Variants in RGS6 observed in about 807,000 individuals in gnomAD.
The protein encoded by RGS6 is regulator of G protein signaling 6.
Under a neutral mutation model 78.5 loss-of-function variants are expected in RGS6, and 30 were observed. The ratio of observed to expected loss-of-function variants is 0.38; its 90% CI spans 0.29 to 0.52. The LOEUF (loss-of-function observed/expected upper bound fraction) is 0.52. Ranked by LOEUF, RGS6 falls within the 20% of genes least tolerant of loss-of-function variation. The pLI, the probability that RGS6 is intolerant of heterozygous loss-of-function variation, is 0.85. For missense variants in RGS6, 495 were observed against 609.7 expected (o/e 0.81, Z 1.98); for synonymous variants, 206 against 206.0 (o/e 1.00, Z 0.00).
chr14:72,156,197 C>T (rs565765991), intron 2 of RGS6, among the ~76,000 whole-genome samples: 27 of 152,284 alleles, frequency 1.8e-4, no homozygotes, highest in African/African-American at 6.5e-4. Flanking sequence ...CCTGTGATCC[C>T]AGCATTTGGG....
the RGS6 span, among the ~76,000 whole-genome samples, chr14:71,872,888 G>A: frequency 1.1e-4 from 17 of 152,228 alleles, no homozygotes; most frequent in East Asian, 3.9e-4. Context: ...GAGAACATGC[G>A]GTGTTTGGTT....
At chr14:72,229,632 T>C (rs1489871403) in intron 2 of RGS6, among the ~76,000 whole-genome samples, 2 of 152,198 alleles carry the variant, frequency 1.3e-5, no homozygotes, top group Non-Finnish European at 2.9e-5. Flanking sequence ...TTTGTTTCTA[T>C]AATAGTTAGG....
intron 2 of RGS6, among the ~76,000 whole-genome samples, chr14:72,066,610 C>T (rs1006725244): frequency 6.7e-6 from 1 of 150,176 alleles, no homozygotes; most frequent in Non-Finnish European, 1.5e-5. Flanking sequence ...TGGCTGTCCA[C>T]TTAAAAGCTG....
At chr14:72,428,651 C>T (rs4140998) in intron 3 of RGS6, among the ~76,000 whole-genome samples, 66,456 of 152,014 alleles carry the variant, frequency 0.44, 15,482 homozygotes, top group East Asian at 0.83. Flanking sequence ...GCCTCTGGTT[C>T]GACTCCATGT....
rs189843966 is a variant in RGS6 at position 71,964,240 on chromosome 14, C to T, written c.-20-532C>T. On this transcript the variant is annotated intron_variant, in intron 1 of 17. Coordinates refer to ENST00000553525, the MANE Select transcript of RGS6 (RefSeq NM_001204424.2). The stretch of plus-strand genomic sequence containing the variant: ...AGACTGCCGTGGCTGGGTGCGGTGG[C>T]GCACGCCTGTAATGCCAGCAGTTTG... 4.6e-3 allele frequency among the ~76,000 whole-genome samples: 694 copies of T among 152,284 alleles called. 1 individual carries two copies. Among genetic ancestry groups the T allele is most frequent in the African/African-American group, 0.015 (614 of 41,546 alleles).
chr14:72,090,727 A>G (rs1363303962), intron 2 of RGS6, among the ~76,000 whole-genome samples: 2 of 152,208 alleles, frequency 1.3e-5, no homozygotes, highest in South Asian at 2.1e-4. Flanking sequence ...TTAAAGGGAA[A>G]GTAGGACAGT....
intron 2 of RGS6, among the ~76,000 whole-genome samples, chr14:71,971,755 T>C (rs1241726261): frequency 6.6e-6 from 1 of 152,176 alleles, no homozygotes; most frequent in African/African-American, 2.4e-5. Context: ...AAAAGTCTAC[T>C]CCCAAACTTA....
intron 2 of RGS6, among the ~76,000 whole-genome samples, chr14:72,039,615 T>G (rs1483832575): frequency 6.6e-6 from 1 of 152,154 alleles, no homozygotes; most frequent in African/African-American, 2.4e-5. Flanking sequence ...ATACATCAGA[T>G]AGTGAGGTCT....
chr14:72,427,432 G>T (rs994573596), intron 3 of RGS6, among the ~76,000 whole-genome samples: 1 of 152,230 alleles, frequency 6.6e-6, no homozygotes, highest in Non-Finnish European at 1.5e-5. Context: ...AGAGACTACT[G>T]TAGATCCTCC....
At chr14:72,393,599 G>T (rs984978273) in intron 3 of RGS6, among the ~76,000 whole-genome samples, 39 of 152,056 alleles carry the variant, frequency 2.6e-4, no homozygotes, top group African/African-American at 8.2e-4. Context: ...TCCACTATAT[G>T]CCCTGCCATA....
At chr14:72,151,983 C>T (rs756697025) in intron 2 of RGS6, among the ~76,000 whole-genome samples, 11 of 152,122 alleles carry the variant, frequency 7.2e-5, no homozygotes, top group East Asian at 3.9e-4. Flanking sequence ...ATATGGGCTA[C>T]GTCCTTTACT....
At chr14:72,513,067 A>T (rs1196984601) in intron 14 of RGS6, among the ~76,000 whole-genome samples, 1 of 152,228 alleles carries the variant, frequency 6.6e-6, no homozygotes, top group Non-Finnish European at 1.5e-5. Context: ...GGCCACTGGC[A>T]TTGGAGCATG....
intron 2 of RGS6, among the ~76,000 whole-genome samples, chr14:72,287,574 A>G (rs1047166181): frequency 1.3e-5 from 2 of 152,156 alleles, no homozygotes; most frequent in Non-Finnish European, 2.9e-5. Context: ...CTCCTGCCTC[A>G]GCCTCCCAAG....
At chr14:71,877,201 C>T in the RGS6 span, among the ~76,000 whole-genome samples, 1 of 152,110 alleles carries the variant, frequency 6.6e-6, no homozygotes, top group Non-Finnish European at 1.5e-5. Context: ...CTCTGTAGTT[C>T]CTGAATTTGA....
intron 1 of RGS6, among the ~76,000 whole-genome samples, chr14:71,961,637 A>G (rs1419829656): frequency 6.6e-6 from 1 of 152,182 alleles, no homozygotes; most frequent in Non-Finnish European, 1.5e-5. Context: ...AGACTGTGAA[A>G]TGCAAGGTCC....
chr14:72,292,382 G>A (rs1242361851), intron 2 of RGS6, among the ~76,000 whole-genome samples: 6 of 152,192 alleles, frequency 3.9e-5, no homozygotes, highest in African/African-American at 1.4e-4. Flanking sequence ...CAAGGACAGA[G>A]GAGACTCTGG....
intron 2 of RGS6, among the ~76,000 whole-genome samples, chr14:72,167,291 G>C (rs893631925): frequency 2.6e-5 from 4 of 152,222 alleles, no homozygotes; most frequent in African/African-American, 9.6e-5. Flanking sequence ...CTGCCCATTA[G>C]GGCAAATTGA....
chr14:72,138,493 T>G (rs1185723552), intron 2 of RGS6, among the ~76,000 whole-genome samples: 1 of 140,246 alleles, frequency 7.1e-6, no homozygotes, highest in Non-Finnish European at 1.5e-5. Context: ...GGAGGGAGAG[T>G]TCTTCTATCT....
At chr14:72,221,460 G>A (rs1014347562) in intron 2 of RGS6, among the ~76,000 whole-genome samples, 1 of 152,102 alleles carries the variant, frequency 6.6e-6, no homozygotes, top group African/African-American at 2.4e-5. Context: ...TCCTTCTTCT[G>A]CATTCTTCCT....
Sources: gnomAD v4.1 joint callset for allele counts (sites outside exome capture counted in the v4.1 genomes callset) on GRCh38, gnomAD v4.1.1 for gene constraint, MANE v1.5 for transcripts, NCBI Gene and HGNC (gene_info 2026-07-23, HGNC 2026-07-21) for gene names.